Variants in MYO18B observed in about 807,000 individuals in gnomAD.
MYO18B encodes unconventional myosin-XVIIIb.
Under a neutral mutation model 273.0 loss-of-function variants are expected in MYO18B, and 204 were observed. That is an observed-to-expected ratio of 0.75 (90% confidence interval 0.67 to 0.84). The LOEUF is 0.84. MYO18B is among the 40% of genes least tolerant of loss of function. MYO18B has a pLI of 0.00. For missense variants in MYO18B, 3,212 were observed against 3,287.6 expected, an observed-to-expected ratio of 0.98 and a Z score of 0.56; for synonymous variants, 1,330 against 1,305.7, an observed-to-expected ratio of 1.02 and a Z score of -0.40.
chr22:25,802,585 T>TA (rs949982420), intron 12 of MYO18B, among the ~76,000 whole-genome samples: 13 of 149,656 alleles, frequency 8.7e-5, no homozygotes, highest in South Asian at 4.3e-4. Flanking sequence ...TCATCTCTAC[T>TA]AAAAAAAAAT....
At chr22:25,967,759 G>A (rs1296723438) in intron 39 of MYO18B, among the ~76,000 whole-genome samples, 1 of 152,170 alleles carries the variant, frequency 6.6e-6, no homozygotes, top group African/African-American at 2.4e-5. Flanking sequence ...ATGACCTCTG[G>A]CTTCAGACTC....
chr22:26,037,228 C>T, the MYO18B span, among the ~76,000 whole-genome samples: 3 of 152,168 alleles, frequency 2.0e-5, no homozygotes, highest in African/African-American at 7.2e-5. Context: ...ATCTTTTAAG[C>T]TGTGTAACCT....
chr22:25,757,542 G>A lies in MYO18B; in HGVS notation c.-109-3442G>A, dbSNP rs568188992. Among the ~76,000 whole-genome samples, 170 of 151,740 alleles carry A rather than the reference G, an allele frequency of 1.1e-3. 1 individual carries two copies. The highest frequency in any genetic ancestry group is 3.4e-3 in the Admixed American group (52 of 15,228). ...GTGGAGGTTGCAGTGAGCCGAGACC[G>A]TGCCATTATACTCCAGCCTGGGCAA... On this transcript the variant is annotated intron_variant, in intron 1 of 43. Transcript: ENST00000335473.
At chr22:25,905,670 C>T (rs1439862526) in intron 31 of MYO18B, among the ~76,000 whole-genome samples, 5 of 152,172 alleles carry the variant, frequency 3.3e-5, no homozygotes, top group African/African-American at 7.2e-5. Flanking sequence ...AGCTGTAATA[C>T]GGGGTCTTTG....
chr22:26,025,470 A>C (rs1298536389), intron 42 of MYO18B, among the ~76,000 whole-genome samples: 3 of 152,102 alleles, frequency 2.0e-5, no homozygotes, highest in African/African-American at 7.2e-5. Context: ...GCAACAAAGC[A>C]CTCAGAGGCA....
At chr22:25,758,944 C>CG (rs2086214970) in intron 1 of MYO18B, among the ~76,000 whole-genome samples, 1 of 151,976 alleles carries the variant, frequency 6.6e-6, no homozygotes, top group Non-Finnish European at 1.5e-5. Flanking sequence ...TTAGTAGAGA[C>CG]GGAGTTTCAC....
Position 25,851,529 on chromosome 22 carries a change from C to A in MYO18B, c.3835C>A (p.Pro1279Thr). The change falls in exon 21 of 44, where the codon CCA becomes ACA. Residue 1279 changes from proline to threonine, a missense_variant. Physicochemically the swap from Pro to Thr is conservative, Grantham distance 38 (BLOSUM62 -1). Transcript: ENST00000335473. The part of the protein sequence containing the change: ...FRRQFQVLDA[P>T]LLKKLMSTSE... ...CCGGCAATTCCAGGTGCTGGACGCT[C>A]CACTCCTGAAGAAGCTCATGTCGAC... The A allele has an allele frequency of 6.4e-7, 1 of 1,561,568 alleles. No individual in the cohort carries two copies. Among genetic ancestry groups the A allele is most frequent in the Non-Finnish European group, 8.7e-7 (1 of 1,152,422 alleles).
the MYO18B span, among the ~76,000 whole-genome samples, chr22:26,043,102 G>A: frequency 1.6e-4 from 25 of 152,254 alleles, no homozygotes; most frequent in African/African-American, 5.8e-4. Flanking sequence ...GATTTGTATC[G>A]TCATAGGTTA....
intron 22 of MYO18B, among the ~76,000 whole-genome samples, 195 bp downstream of exon 22, chr22:25,868,580 TCA>T (rs980782502): frequency 2.8e-4 from 42 of 152,304 alleles, no homozygotes; most frequent in African/African-American, 1.0e-3. Context: ...TGAGTTGAAA[TCA>T]CACTGGGAAA....
chr22:25,775,303 C>A (rs956927566), intron 7 of MYO18B, among the ~76,000 whole-genome samples: 4 of 152,196 alleles, frequency 2.6e-5, no homozygotes, highest in African/African-American at 9.6e-5. Context: ...GGGCTTGGAG[C>A]AGGAAGAGCC....
chr22:25,898,625 C>T (rs2091864714), intron 29 of MYO18B, 164 bp downstream of exon 29: 3 of 693,800 alleles, frequency 4.3e-6, no homozygotes, highest in Non-Finnish European at 6.9e-6. Context: ...ATGGTTCTCC[C>T]AAGAATCCAG....
At chr22:25,923,689 A>G (rs2092381223) in intron 34 of MYO18B, among the ~76,000 whole-genome samples, 2 of 152,128 alleles carry the variant, frequency 1.3e-5, no homozygotes, top group Admixed American at 1.3e-4. Context: ...AGGTAGGCAG[A>G]GTTGCTGTGT....
intron 11 of MYO18B, among the ~76,000 whole-genome samples, chr22:25,791,000 G>T (rs1038874930): frequency 2.6e-5 from 4 of 152,184 alleles, no homozygotes. Context: ...ATTTGGGGAT[G>T]GTCGCTAGAA....
chr22:25,990,712 A>AAG (rs1569270731), intron 39 of MYO18B, among the ~76,000 whole-genome samples: 11 of 42,830 alleles, frequency 2.6e-4, no homozygotes, highest in Admixed American at 1.4e-3. Context: ...AAAAAAAAAA[A>AAG]AAAAAAAAGA....
At position 26,018,561 on chromosome 22, in the gene MYO18B, G is replaced by A. The variant is rs1601844589; in HGVS notation, c.6471-7884G>A. On this transcript the variant is annotated intron_variant, in intron 42 of 43. Coordinates refer to ENST00000335473, the MANE Select transcript of MYO18B (RefSeq NM_032608.7). ...TGAATAAGCTAAGAATCAATAGGAG[G>A]AATCTTCTGCTTTTGCTTGGAGTGT... Among the ~76,000 whole-genome samples, 4 of 152,294 alleles carry A rather than the reference G, an allele frequency of 2.6e-5. No homozygotes were observed. In the South Asian group the frequency reaches 8.3e-4, roughly 32 times the overall value.
At chr22:25,946,850 G>A (rs903125338) in intron 35 of MYO18B, among the ~76,000 whole-genome samples, 1 of 152,174 alleles carries the variant, frequency 6.6e-6, no homozygotes, top group Non-Finnish European at 1.5e-5. Flanking sequence ...ACCAGGAGAA[G>A]ATTTGAGCCA....
At chr22:25,988,596 G>A (rs1213385071) in intron 39 of MYO18B, among the ~76,000 whole-genome samples, 2 of 152,082 alleles carry the variant, frequency 1.3e-5, no homozygotes, top group East Asian at 3.9e-4. Context: ...TTCTATGTAG[G>A]ATAGTGAAAA....
intron 38 of MYO18B, chr22:25,953,514 G>C (rs2092815395): frequency 6.6e-6 from 1 of 152,086 alleles, no homozygotes; most frequent in Admixed American, 6.5e-5. Context: ...GATCTCCCTA[G>C]GGGCATCTGG....
rs137902023 is a variant in MYO18B, at chr22:25,774,609, A to G, written c.1869+2099A>G. Reference sequence around the variant, plus strand: ...GGCACTGGTCCGCACCCTTCCCTCAAGTCTTCCAGCCTCCCACACTCAAAC... The same window carrying G: ...GGCACTGGTCCGCACCCTTCCCTCAGGTCTTCCAGCCTCCCACACTCAAAC... On this transcript the variant is annotated intron_variant, in intron 7 of 43. Coordinates refer to ENST00000335473, the MANE Select transcript of MYO18B (RefSeq NM_032608.7). Among the ~76,000 whole-genome samples, 804 of 152,258 alleles carry G rather than the reference A, an allele frequency of 5.3e-3. 20 individuals carry two copies. The highest frequency in any genetic ancestry group is 0.032 in the Admixed American group (493 of 15,296).
Sources: allele counts gnomAD v4.1 joint callset (sites outside exome capture counted in the v4.1 genomes callset), GRCh38; gene constraint gnomAD v4.1.1; transcripts MANE v1.5; gene names NCBI Gene and HGNC (gene_info 2026-07-23, HGNC 2026-07-21).